CBFA2T2: variants seen among roughly 807,000 people sequenced by gnomAD.
The protein encoded by CBFA2T2 is CBFA2/RUNX1 partner transcriptional co-repressor 2.
In CBFA2T2, 11 loss-of-function variants were observed where a neutral mutation model predicts 62.2. That is an observed-to-expected ratio of 0.18 (90% CI 0.11 to 0.29). The LOEUF is 0.29. Ranked by LOEUF, CBFA2T2 falls within the 10% of genes least tolerant of loss-of-function variation. The pLI is 1.00. For missense variants in CBFA2T2, 592 were observed against 774.1 expected (o/e 0.76, Z 2.79); for synonymous variants, 295 against 287.5 (o/e 1.03, Z -0.27).
intron 1 of CBFA2T2, among the ~76,000 whole-genome samples, chr20:33,594,587 G>A (rs1465887184): frequency 6.6e-6 from 1 of 152,072 alleles, no homozygotes; most frequent in Non-Finnish European, 1.5e-5. Context: ...TCAAATGCTG[G>A]AACCCAAGAG....
At chr20:33,641,779 C>T (rs1011804662) in intron 10 of CBFA2T2, among the ~76,000 whole-genome samples, 4 of 152,076 alleles carry the variant, frequency 2.6e-5, no homozygotes, top group African/African-American at 4.8e-5. Flanking sequence ...GATGGGCTTT[C>T]GCCATGTTGG....
intron 1 of CBFA2T2, among the ~76,000 whole-genome samples, chr20:33,536,751 C>A (rs1600942637): frequency 6.6e-6 from 1 of 151,324 alleles, no homozygotes; most frequent in African/African-American, 2.4e-5. Flanking sequence ...CAGAGGCGCT[C>A]CCCACATCTC....
intron 1 of CBFA2T2, among the ~76,000 whole-genome samples, chr20:33,491,377 G>GT (rs1452791984): frequency 6.6e-6 from 1 of 152,068 alleles, no homozygotes; most frequent in Admixed American, 6.6e-5. Flanking sequence ...TGTTTTGCAT[G>GT]TTTTTTTAAT....
intron 3 of CBFA2T2, among the ~76,000 whole-genome samples, chr20:33,613,042 C>T (rs934237254): frequency 5.3e-5 from 8 of 152,198 alleles, no homozygotes; most frequent in Admixed American, 2.0e-4. Flanking sequence ...ACTGCACTTC[C>T]AGCCTAGGTG....
At chr20:33,537,107 A>G (rs566486830) in intron 1 of CBFA2T2, among the ~76,000 whole-genome samples, 5 of 152,202 alleles carry the variant, frequency 3.3e-5, no homozygotes, top group East Asian at 1.9e-4. Flanking sequence ...AGAGGCTGCA[A>G]TCTCGGCACT....
chr20:33,589,547 T>A (rs1011744179), intron 1 of CBFA2T2, among the ~76,000 whole-genome samples: 15 of 152,238 alleles, frequency 9.9e-5, no homozygotes, highest in Non-Finnish European at 1.3e-4. Flanking sequence ...AAAGATGAAT[T>A]CGTTTCTTTG....
chr20:33,534,118 A>G (rs1330844287), intron 1 of CBFA2T2, among the ~76,000 whole-genome samples: 1 of 152,176 alleles, frequency 6.6e-6, no homozygotes, highest in East Asian at 1.9e-4. Flanking sequence ...CAGGTGTTAA[A>G]CCACTGTGCC....
chr20:33,513,816 G>GA (rs11481160), intron 1 of CBFA2T2, among the ~76,000 whole-genome samples: 97,808 of 111,366 alleles, frequency 0.88, 44,123 homozygotes, highest in Non-Finnish European at 0.99. Context: ...TCTGTCCCAG[G>GA]AAAAAAAAAA....
chr20:33,525,809 G>A (rs2146865354), intron 1 of CBFA2T2, among the ~76,000 whole-genome samples: 1 of 152,218 alleles, frequency 6.6e-6, no homozygotes, highest in Middle Eastern at 3.4e-3. Flanking sequence ...ATGCCACCAT[G>A]CCTGTGACCA....
intron 1 of CBFA2T2, among the ~76,000 whole-genome samples, chr20:33,531,521 C>G (rs1412067588): frequency 2.0e-5 from 3 of 152,196 alleles, no homozygotes; most frequent in Non-Finnish European, 2.9e-5. Flanking sequence ...TACTTTCATT[C>G]TGGAATCCTT....
chr20:33,542,306 A>G (rs982474487), intron 1 of CBFA2T2, among the ~76,000 whole-genome samples: 2 of 152,336 alleles, frequency 1.3e-5, no homozygotes, highest in African/African-American at 4.8e-5. Context: ...TAACTCTGCT[A>G]GAAGAACCAG....
chr20:33,612,359 TG>T (rs2015561673), intron 3 of CBFA2T2, among the ~76,000 whole-genome samples: 1 of 152,214 alleles, frequency 6.6e-6, no homozygotes, highest in South Asian at 2.1e-4. Flanking sequence ...CCCCTTTATA[TG>T]GGATAAAAAG....
Position 33,624,949 on chromosome 20 carries a change from C to T in CBFA2T2, c.878C>T (p.Ser293Phe), listed in dbSNP as rs1304951120. The T allele has an allele frequency of 3.1e-6, 5 of 1,614,170 alleles. No individual in the cohort carries two copies. The highest frequency in any genetic ancestry group is 1.7e-5 in the Admixed American group (1 of 60,020). ...QHYTLEDIAT[S>F]HLYREPNKML... ...TACACCTTAGAGGATATTGCAACTT[C>T]TCACCTGTATCGGGAACCCAACAAG... is the stretch of plus-strand genomic sequence containing the variant. The change falls in exon 6 of 11, where the codon TCT becomes TTT. Residue 293 changes from serine (S) to phenylalanine (F), a missense_variant. Transcript: ENST00000342704.
chr20:33,555,865 C>G (rs146465337), intron 1 of CBFA2T2, among the ~76,000 whole-genome samples: 1 of 152,286 alleles, frequency 6.6e-6, no homozygotes, highest in Non-Finnish European at 1.5e-5. Flanking sequence ...TTTCCTCTTT[C>G]CTTTTTTCTT....
At chr20:33,617,059 CA>C (rs531364134) in intron 3 of CBFA2T2, among the ~76,000 whole-genome samples, 12 of 146,802 alleles carry the variant, frequency 8.2e-5, no homozygotes, top group Non-Finnish European at 1.1e-4. Context: ...CCTTCCTCTA[CA>C]AAAAAAAAAA....
At chr20:33,579,488 A>G (rs542824135) in intron 1 of CBFA2T2, among the ~76,000 whole-genome samples, 1 of 150,220 alleles carries the variant, frequency 6.7e-6, no homozygotes, top group African/African-American at 2.4e-5. Context: ...GGTCATAAGG[A>G]TATTCTCCTA....
chr20:33,545,477 CGTTT>C (rs1404866720), intron 1 of CBFA2T2, among the ~76,000 whole-genome samples: 4 of 151,802 alleles, frequency 2.6e-5, no homozygotes, highest in Non-Finnish European at 2.9e-5. Flanking sequence ...TTCTTTCGTT[CGTTT>C]GTTTTCCTCT....
chr20:33,608,204 A>G (rs2015406672), intron 2 of CBFA2T2, among the ~76,000 whole-genome samples: 1 of 152,202 alleles, frequency 6.6e-6, no homozygotes, highest in Non-Finnish European at 1.5e-5. Flanking sequence ...CTTGATCTTC[A>G]TTTGAGTTCT....
At chr20:33,628,179 G>A (rs577067802) in intron 6 of CBFA2T2, among the ~76,000 whole-genome samples, 171 bp from the exon 7 acceptor site, 11 of 152,244 alleles carry the variant, frequency 7.2e-5, no homozygotes, top group Admixed American at 2.6e-4. Context: ...AATGTGAATC[G>A]TGATCCTTTG....
Sources: allele counts gnomAD v4.1 joint callset (sites outside exome capture counted in the v4.1 genomes callset), GRCh38; gene constraint gnomAD v4.1.1; transcripts MANE v1.5; gene names NCBI Gene and HGNC (gene_info 2026-07-23, HGNC 2026-07-21).